GRB2: variants seen among roughly 807,000 people sequenced by gnomAD.
The protein encoded by GRB2 is growth factor receptor-bound protein 2.
GRB2 carries 2 observed loss-of-function variants against 27.4 expected under a neutral mutation model. That is an observed-to-expected ratio of 0.07 (90% CI 0.03 to 0.23). GRB2 has a LOEUF of 0.23. Among genes scored for constraint, GRB2 ranks in the 10% least tolerant of loss-of-function variants. GRB2 has a pLI of 1.00. For missense variants in GRB2, 102 were observed against 282.4 expected (o/e 0.36, Z 4.58); for synonymous variants, 94 against 99.6 (o/e 0.94, Z 0.33).
chr17:75,347,509 C>A (rs2078663091), intron 2 of GRB2, among the ~76,000 whole-genome samples: 1 of 152,212 alleles, frequency 6.6e-6, no homozygotes, highest in Non-Finnish European at 1.5e-5. Flanking sequence ...AAAGCCCCCA[C>A]CCAGCCACAC....
At chr17:75,382,792 T>TCC (rs945364828) in intron 2 of GRB2, among the ~76,000 whole-genome samples, 8 of 152,198 alleles carry the variant, frequency 5.3e-5, no homozygotes, top group African/African-American at 1.9e-4. Context: ...CACTGCAAGC[T>TCC]CAGCCTTCCG....
chr17:75,384,861 T>A (rs114374324), intron 2 of GRB2, among the ~76,000 whole-genome samples: 28 of 151,358 alleles, frequency 1.8e-4, no homozygotes, highest in African/African-American at 5.8e-4. Context: ...TTTTCCTAAA[T>A]GGCCTCTCTC....
At chr17:75,358,862 G>A (rs1246840202) in intron 2 of GRB2, among the ~76,000 whole-genome samples, 36 of 122,378 alleles carry the variant, frequency 2.9e-4, no homozygotes, top group African/African-American at 8.2e-4. Context: ...CCAGCATGGC[G>A]ACAGGGCAAG....
chr17:75,378,644 A>G (rs184373499), intron 2 of GRB2, among the ~76,000 whole-genome samples: 90 of 152,334 alleles, frequency 5.9e-4, no homozygotes, highest in African/African-American at 2.1e-3. Flanking sequence ...GTGTAGTTCT[A>G]GTACAAGCTT....
At chr17:75,390,314 G>A (rs1414991912) in intron 2 of GRB2, among the ~76,000 whole-genome samples, 1 of 152,196 alleles carries the variant, frequency 6.6e-6, no homozygotes, top group Non-Finnish European at 1.5e-5. Context: ...ACAGTTTGAA[G>A]TATGTATACA....
At chr17:75,397,059 T>C (rs1207928189) in intron 1 of GRB2, among the ~76,000 whole-genome samples, 1 of 152,186 alleles carries the variant, frequency 6.6e-6, no homozygotes, top group Non-Finnish European at 1.5e-5. Flanking sequence ...AGAATAACCT[T>C]CTTGAAAGTC....
At chr17:75,367,880 C>T (rs1391261249) in intron 2 of GRB2, among the ~76,000 whole-genome samples, 9 of 151,480 alleles carry the variant, frequency 5.9e-5, no homozygotes, top group African/African-American at 1.7e-4. Flanking sequence ...AGATTTTTTT[C>T]GTTGTTTTGG....
chr17:75,361,092 T>A lies in GRB2; in HGVS notation c.79-28295A>T, dbSNP rs142297557. Among the ~76,000 whole-genome samples the A allele has an allele frequency of 3.9e-4, 59 of 152,268 alleles. 1 individual carries two copies. Among genetic ancestry groups the A allele is most frequent in the African/African-American group, 1.3e-3 (52 of 41,542 alleles). On this transcript the variant is annotated intron_variant, in intron 2 of 5. Coordinates refer to ENST00000316804, the MANE Select transcript of GRB2 (RefSeq NM_002086.5). ...GACCTAAAGTCAAACTTTTAAAAGGTACAATATATTGTGTACCTGTTACAC... is the reference window on the plus strand; with the variant it reads ...GACCTAAAGTCAAACTTTTAAAAGGAACAATATATTGTGTACCTGTTACAC...
chr17:75,373,506 A>G (rs1372825650), intron 2 of GRB2: 1 of 152,192 alleles, frequency 6.6e-6, no homozygotes, highest in African/African-American at 2.4e-5. Flanking sequence ...GTTGACAGTA[A>G]GCTTGGCTAA....
chr17:75,400,956 G>A (rs1038776817), intron 1 of GRB2, among the ~76,000 whole-genome samples: 1 of 150,382 alleles, frequency 6.6e-6, no homozygotes, highest in African/African-American at 2.5e-5. Context: ...TAAATACCAG[G>A]ATATATCAAT....
chr17:75,342,287 T>C (rs998619537), intron 2 of GRB2, among the ~76,000 whole-genome samples: 2 of 152,330 alleles, frequency 1.3e-5, no homozygotes, highest in African/African-American at 2.4e-5. Context: ...CCAGTTCTCA[T>C]TTGTCTTCCT....
chr17:75,321,363 G>A (rs960049397), intron 5 of GRB2, among the ~76,000 whole-genome samples: 1 of 151,810 alleles, frequency 6.6e-6, no homozygotes, highest in African/African-American at 2.4e-5. Flanking sequence ...TTTTAGTAGC[G>A]ACAGGGTTTC....
At position 75,320,419 on chromosome 17, in the gene GRB2, C is replaced by G; in HGVS notation, c.603G>C (p.Gln201His). The G allele has an allele frequency of 6.2e-7, 1 of 1,614,190 alleles. No individual in the cohort carries two copies. Among genetic ancestry groups the G allele is most frequent in the South Asian group, 1.1e-5 (1 of 91,078 alleles). The change falls in exon 6 of 6, where the codon CAG (glutamine) becomes CAC (histidine). Residue 201 changes from glutamine (Q) to histidine (H), a missense_variant. Coordinates refer to ENST00000316804, the MANE Select transcript of GRB2 (RefSeq NM_002086.5). This position sits in a 1 kb window ranked among gnomAD's most constrained non-coding sequence, Gnocchi z 4.3. ...PNWWKGACHG[Q>H]TGMFPRNYVT... is the part of the protein sequence containing the mutation. ...CATAATTGCGGGGAAACATGCCGGT[C>G]TGCCCGTGGCAAGCTCCTTTCCACC...
At chr17:75,402,013 T>C (rs138728810) in intron 1 of GRB2, among the ~76,000 whole-genome samples, 139 of 152,312 alleles carry the variant, frequency 9.1e-4, no homozygotes, top group Middle Eastern at 3.4e-3. Context: ...CAGTTGAAAA[T>C]ATTGTTACAT....
In GRB2 at chr17:75,318,177, T is replaced by A. The variant is rs1400878248; in HGVS notation, c.*2191A>T. 1 of 152,498 alleles carries A rather than the reference T, an allele frequency of 6.6e-6. No homozygotes were observed. Among genetic ancestry groups the A allele is most frequent in the Admixed American group, 6.5e-5 (1 of 15,284 alleles). The allele number at this position is 152,498 out of a possible 1,614,324, so 9.4% of individuals were successfully genotyped here. On this transcript the variant is annotated 3_prime_UTR_variant, in exon 6 of 6. Coordinates refer to ENST00000316804, the MANE Select transcript of GRB2 (RefSeq NM_002086.5). ...AGTACATAGGTCTTTATTTAAACAC[T>A]GATTTTTTTTTTAAATATATACACA...
chr17:75,378,511 GA>G (rs748623618), intron 2 of GRB2, among the ~76,000 whole-genome samples: 79 of 152,310 alleles, frequency 5.2e-4, no homozygotes, highest in Non-Finnish European at 7.2e-4. Context: ...ATCTAACAGG[GA>G]AGGGATGAAG....
chr17:75,353,365 A>C (rs1410283219), intron 2 of GRB2, among the ~76,000 whole-genome samples: 1 of 152,194 alleles, frequency 6.6e-6, no homozygotes, highest in East Asian at 1.9e-4. Context: ...AAATCCGTGT[A>C]TAAGCGGAAC....
intron 2 of GRB2, among the ~76,000 whole-genome samples, chr17:75,336,030 T>C (rs1409298528): frequency 6.6e-6 from 1 of 152,182 alleles, no homozygotes; most frequent in Non-Finnish European, 1.5e-5. Flanking sequence ...CCTGCCCCTG[T>C]ACTGGCAGCA....
chr17:75,351,182 T>A (rs1453281966), intron 2 of GRB2, among the ~76,000 whole-genome samples: 1 of 152,022 alleles, frequency 6.6e-6, no homozygotes, highest in East Asian at 1.9e-4. Context: ...GAAGAGAATC[T>A]AAAATGAACA....
Sources: allele counts gnomAD v4.1 joint callset (sites outside exome capture counted in the v4.1 genomes callset), GRCh38; gene constraint gnomAD v4.1.1; non-coding constraint Gnocchi (gnomAD v3.1); transcripts MANE v1.5; gene names NCBI Gene and HGNC (gene_info 2026-07-23, HGNC 2026-07-21).